The following TRMT11 variants were observed in gnomAD, a reference collection of about 807,000 sequenced individuals.
TRMT11 encodes the protein tRNA methyltransferase 11, also known as tRNA (guanine(10)-N(2))-methyltransferase TRMT11.
TRMT11 carries 53 observed loss-of-function variants against 62.8 expected under a neutral mutation model. The ratio of observed to expected loss-of-function variants is 0.84; its 90% CI spans 0.68 to 1.06. TRMT11 has a LOEUF of 1.06. Among genes scored for constraint, TRMT11 ranks in the 50% least tolerant of loss-of-function variants. The pLI, the probability that TRMT11 is intolerant of heterozygous loss-of-function variation, is 0.00. For missense variants in TRMT11, 556 were observed against 553.4 expected, an observed-to-expected ratio of 1.00 and a Z score of -0.05; for synonymous variants, 188 against 190.3, an observed-to-expected ratio of 0.99 and a Z score of 0.10.
chr6:126,215,328 TTATCTC>T, the TRMT11 span, among the ~76,000 whole-genome samples: 2 of 152,050 alleles, frequency 1.3e-5, no homozygotes, highest in Non-Finnish European at 1.5e-5. Flanking sequence ...ATATCTCTCT[TTATCTC>T]TAATAATATT....
chr6:126,271,521 T>C, the TRMT11 span, among the ~76,000 whole-genome samples: 2 of 151,768 alleles, frequency 1.3e-5, no homozygotes, highest in Non-Finnish European at 2.9e-5. Flanking sequence ...TGTTTGAAAG[T>C]TCTTATAGAA....
chr6:126,165,928 G>A (rs577757491), intron 21 of TRMT11, among the ~76,000 whole-genome samples: 19 of 152,302 alleles, frequency 1.2e-4, no homozygotes, highest in Non-Finnish European at 1.8e-4. Context: ...TCAATCAAAT[G>A]TAGGTTTGGT....
chr6:126,158,590 A>T (rs1778148817), intron 21 of TRMT11, among the ~76,000 whole-genome samples: 1 of 152,192 alleles, frequency 6.6e-6, no homozygotes, highest in Non-Finnish European at 1.5e-5. Flanking sequence ...TATATGAAAG[A>T]TTCAAAAAAT....
chr6:126,132,281 C>G (rs1008581022), intron 21 of TRMT11, among the ~76,000 whole-genome samples: 1 of 152,048 alleles, frequency 6.6e-6, no homozygotes, highest in Non-Finnish European at 1.5e-5. Flanking sequence ...GGCACAGGTT[C>G]AAGGACCTGT....
chr6:126,247,513 T>TATAAATATATAA, the TRMT11 span, among the ~76,000 whole-genome samples: 1 of 144,924 alleles, frequency 6.9e-6, no homozygotes, highest in African/African-American at 2.6e-5. Flanking sequence ...TCTCTCTATA[T>TATAAATATATAA]ATAAATATAT....
intron 17 of TRMT11, among the ~76,000 whole-genome samples, chr6:126,084,631 A>G (rs1777194943): frequency 6.6e-6 from 1 of 152,168 alleles, no homozygotes; most frequent in Non-Finnish European, 1.5e-5. Context: ...CAAAAAAATC[A>G]TTGCCAAGGC....
intron 3 of TRMT11, among the ~76,000 whole-genome samples, chr6:126,201,867 T>C (rs980532649): frequency 6.6e-6 from 1 of 152,184 alleles, no homozygotes; most frequent in African/African-American, 2.4e-5. Context: ...ATATTCTTCA[T>C]TGAATTGTGT....
chr6:126,067,876 G>A (rs913910302), intron 17 of TRMT11, among the ~76,000 whole-genome samples: 1 of 152,118 alleles, frequency 6.6e-6, no homozygotes, highest in African/African-American at 2.4e-5. Flanking sequence ...ATTTGAGTAG[G>A]TAGGTGTACA....
chr6:126,196,982 TG>T (rs1385631683), intron 1 of TRMT11, among the ~76,000 whole-genome samples: 6 of 152,126 alleles, frequency 3.9e-5, no homozygotes, highest in Non-Finnish European at 1.5e-5. Flanking sequence ...TCAAAAAAAA[TG>T]AGAAGATACA....
chr6:125,994,893 C>G (rs931264337), intron 2 of TRMT11, among the ~76,000 whole-genome samples: 1 of 152,210 alleles, frequency 6.6e-6, no homozygotes, highest in Non-Finnish European at 1.5e-5. Context: ...AAACCAAACA[C>G]CACGTGTTCT....
intron 1 of TRMT11, among the ~76,000 whole-genome samples, chr6:126,188,525 A>T (rs1486245801): frequency 3.3e-5 from 5 of 152,144 alleles, no homozygotes; most frequent in Non-Finnish European, 7.4e-5. Flanking sequence ...GATCAGTGCT[A>T]TTGTGAAATG....
Position 126,139,036 on chromosome 6 carries a change from A to G in TRMT11, c.*1823+23181A>G, listed in dbSNP as rs139080080. 8.3e-4 allele frequency among the ~76,000 whole-genome samples: 127 copies of G among 152,148 alleles called. 3 individuals carry two copies. In the East Asian group the frequency reaches 0.023, roughly 28 times the overall value. On this transcript the variant is annotated intron_variant and NMD_transcript_variant, in intron 21 of 22. Transcript: ENST00000648977. ...AAACAATAATGCATACTTAGCAGCA[A>G]GGTTAATTTATGGACCTGCATTTGA...
chr6:126,168,635 C>T (rs1430778395), intron 21 of TRMT11, among the ~76,000 whole-genome samples: 1 of 152,226 alleles, frequency 6.6e-6, no homozygotes, highest in African/African-American at 2.4e-5. Context: ...TCTCCTGCCT[C>T]AGCCTCCCAA....
chr6:126,185,699 G>A (rs927720119), intron 1 of TRMT11, among the ~76,000 whole-genome samples: 1 of 152,044 alleles, frequency 6.6e-6, no homozygotes, highest in Non-Finnish European at 1.5e-5. Context: ...TTCCTTTGCT[G>A]CTATGAAGAA....
intron 16 of TRMT11, among the ~76,000 whole-genome samples, chr6:126,047,836 A>G (rs1241672768): frequency 1.3e-5 from 2 of 152,206 alleles, no homozygotes; most frequent in Non-Finnish European, 2.9e-5. Flanking sequence ...CTGTTTCACT[A>G]CTGGGCTTCT....
Position 126,168,965 on chromosome 6 carries a change from T to C in TRMT11, c.*1824-5860T>C, listed in dbSNP as rs576797722. ...AATTTTCCATCTTTTCCAACGAAAA[T>C]GCAGGATCTAAAACAGAATTGCAAA... is the stretch of plus-strand genomic sequence containing the variant. On this transcript the variant is annotated intron_variant and NMD_transcript_variant, in intron 21 of 22. Transcript: ENST00000648977. 2.6e-5 allele frequency among the ~76,000 whole-genome samples: 4 copies of C among 152,338 alleles called. No individual in the cohort carries two copies. In the South Asian group the frequency reaches 8.3e-4, roughly 32 times the overall value.
chr6:125,998,222 G>C lies in TRMT11; in HGVS notation c.295-1G>C, dbSNP rs780075934. On this transcript the variant is annotated splice_acceptor_variant, in intron 4 of 12. Transcript: ENST00000334379. LOFTEE classifies it high-confidence loss of function. ...AAAAAACTGATTTCCTTTTATTTTAGGTTCCATTTCTACATTCGGACTCTA... is the reference window on the plus strand; with the variant it reads ...AAAAAACTGATTTCCTTTTATTTTACGTTCCATTTCTACATTCGGACTCTA... 1.3e-6 allele frequency: 2 copies of C among 1,599,240 alleles called. No individual in the cohort carries two copies. Among genetic ancestry groups the C allele is most frequent in the South Asian group, 1.1e-5 (1 of 90,516 alleles).
chr6:126,123,595 T>A (rs1194858168), intron 21 of TRMT11, among the ~76,000 whole-genome samples: 1 of 152,056 alleles, frequency 6.6e-6, no homozygotes, highest in Non-Finnish European at 1.5e-5. Context: ...TATCTCTGTT[T>A]TCAGATGTAA....
In TRMT11 at chr6:126,093,612, TATATATA is replaced by T. The variant is rs1181271018; in HGVS notation, c.*1438-19253_*1438-19247del. 7.4e-3 allele frequency among the ~76,000 whole-genome samples: 695 copies of T among 93,946 alleles called. 56 individuals are homozygous for T. The highest frequency in any genetic ancestry group is 0.043 in the African/African-American group (665 of 15,620). 61.6% of individuals were successfully genotyped at this position (93,946 alleles called of 152,430 possible). The stretch of plus-strand genomic sequence containing the variant: ...ATATATATATATATATATATATATA[TATATATA>T]TATATATATATATTTTCCCCCAGTC... On this transcript the variant is annotated intron_variant and NMD_transcript_variant, in intron 17 of 22. Transcript: ENST00000648977.
Sources: allele counts gnomAD v4.1 joint callset (sites outside exome capture counted in the v4.1 genomes callset), GRCh38; gene constraint gnomAD v4.1.1; transcripts MANE v1.5; gene names NCBI Gene and HGNC (gene_info 2026-07-23, HGNC 2026-07-21).